The following CEP112 variants were observed in gnomAD, a reference collection of about 807,000 sequenced individuals.
CEP112 encodes centrosomal protein of 112 kDa.
CEP112 carries 127 observed loss-of-function variants against 153.0 expected under a neutral mutation model. The observed-to-expected ratio is 0.83, with a 90% confidence interval of 0.72 to 0.96. The LOEUF (loss-of-function observed/expected upper bound fraction) is 0.96, where lower values mean the gene tolerates loss of function less well. Among genes scored for constraint, CEP112 ranks in the 40% least tolerant of loss-of-function variants. CEP112 has a pLI of 0.00. For missense variants in CEP112, 1,089 were observed against 1,101.2 expected, an observed-to-expected ratio of 0.99 and a Z score of 0.16; for synonymous variants, 358 against 374.4, an observed-to-expected ratio of 0.96 and a Z score of 0.51.
chr17:66,064,144 G>A (rs903306379), intron 10 of CEP112, among the ~76,000 whole-genome samples: 4 of 152,080 alleles, frequency 2.6e-5, no homozygotes, highest in Non-Finnish European at 5.9e-5. Flanking sequence ...TTACTTGCCT[G>A]TTTCCTCTTT....
intron 4 of CEP112, among the ~76,000 whole-genome samples, chr17:66,149,453 C>A (rs972017177): frequency 1.3e-5 from 2 of 152,120 alleles, no homozygotes; most frequent in African/African-American, 4.8e-5. Flanking sequence ...AATGAAGCCA[C>A]CTGGTCCTGA....
intron 1 of CEP112, among the ~76,000 whole-genome samples, chr17:66,187,452 T>A (rs2072980909): frequency 6.6e-6 from 1 of 152,212 alleles, no homozygotes; most frequent in African/African-American, 2.4e-5. Context: ...AAGGGCTGTC[T>A]TCAGTTTGCA....
chr17:65,794,152 A>G (rs1480390552), intron 21 of CEP112, among the ~76,000 whole-genome samples: 1 of 152,216 alleles, frequency 6.6e-6, no homozygotes, highest in Non-Finnish European at 1.5e-5. Flanking sequence ...GATGGGGAGT[A>G]ATAAAAAGCT....
At position 65,855,928 on chromosome 17, in the gene CEP112, G is replaced by GT. The variant is rs531336565; in HGVS notation, c.2164-3895dup. Among the ~76,000 whole-genome samples, 56 of 152,160 alleles carry GT rather than the reference G, an allele frequency of 3.7e-4. 1 individual carries two copies. The highest frequency in any genetic ancestry group is 2.9e-5 in the Non-Finnish European group (2 of 68,000). ...ATAATACAGAAATGAGTCAGGTGTG[G>GT]TGGGGTGTGCCTGTAGTCCCAGCTA... is the stretch of plus-strand genomic sequence containing the variant. On this transcript the variant is annotated intron_variant, in intron 20 of 26. Transcript: ENST00000535342.
intron 20 of CEP112, among the ~76,000 whole-genome samples, chr17:65,884,977 A>G (rs2059224887): frequency 6.6e-6 from 1 of 151,980 alleles, no homozygotes; most frequent in African/African-American, 2.4e-5. Context: ...CGGCCTCCCA[A>G]AGTGCTGGGA....
intron 20 of CEP112, among the ~76,000 whole-genome samples, chr17:65,872,245 T>A (rs2058689526): frequency 6.6e-6 from 1 of 152,004 alleles, no homozygotes; most frequent in Non-Finnish European, 1.5e-5. Context: ...TTATAAGATT[T>A]AACATAAAAA....
intron 23 of CEP112, among the ~76,000 whole-genome samples, chr17:65,740,702 C>T (rs557913013): frequency 4.1e-4 from 62 of 152,236 alleles, no homozygotes; most frequent in Non-Finnish European, 6.8e-4. Context: ...TTAGCATGCA[C>T]GCTACTTTTA....
chr17:66,148,476 T>C (rs994904509), intron 4 of CEP112, among the ~76,000 whole-genome samples: 1 of 152,214 alleles, frequency 6.6e-6, no homozygotes, highest in African/African-American at 2.4e-5. Context: ...ATATTAAGTC[T>C]TCCAATCCAT....
At chr17:65,915,719 C>A (rs536879111) in intron 19 of CEP112, among the ~76,000 whole-genome samples, 1 of 138,536 alleles carries the variant, frequency 7.2e-6, no homozygotes, top group African/African-American at 2.7e-5. Context: ...ACCCAGGAGG[C>A]GGAGGCTGCA....
chr17:65,982,438 C>T (rs1306935632), intron 17 of CEP112, among the ~76,000 whole-genome samples: 1 of 152,180 alleles, frequency 6.6e-6, no homozygotes, highest in East Asian at 1.9e-4. Flanking sequence ...ACACAATTCT[C>T]TTAGTTATAA....
Position 65,693,576 on chromosome 17 carries a change from G to C in CEP112, c.2608-4358C>G, listed in dbSNP as rs754356751. On this transcript the variant is annotated intron_variant, in intron 23 of 26. Coordinates refer to ENST00000535342, the MANE Select transcript of CEP112 (RefSeq NM_001199165.4). ...ACCGTTGACAGGGAATTGGAAAAAA[G>C]GGACTCAGAGATACCCCAAGGCTTT... Among the ~76,000 whole-genome samples the C allele has an allele frequency of 4.6e-4, 70 of 152,166 alleles. 1 individual carries two copies. Among genetic ancestry groups the C allele is most frequent in the South Asian group, 4.1e-4 (2 of 4,820 alleles).
chr17:65,808,495 C>T (rs1446299879), intron 21 of CEP112, among the ~76,000 whole-genome samples: 8 of 152,126 alleles, frequency 5.3e-5, no homozygotes, highest in African/African-American at 1.9e-4. Context: ...TCTGTGTCCC[C>T]AACCAAATTT....
intron 6 of CEP112, among the ~76,000 whole-genome samples, chr17:66,104,917 G>A (rs1278540850): frequency 6.6e-6 from 1 of 152,170 alleles, no homozygotes; most frequent in Non-Finnish European, 1.5e-5. Context: ...GGACATTAAT[G>A]TGCAATAATG....
At chr17:65,741,938 T>C (rs1024730195) in intron 23 of CEP112, among the ~76,000 whole-genome samples, 2 of 152,002 alleles carry the variant, frequency 1.3e-5, no homozygotes, top group South Asian at 2.1e-4. Flanking sequence ...TCTTTTTTTT[T>C]TGGTCTTATA....
At chr17:65,733,845 A>G (rs2145038472) in intron 23 of CEP112, among the ~76,000 whole-genome samples, 1 of 152,352 alleles carries the variant, frequency 6.6e-6, no homozygotes, top group Admixed American at 6.5e-5. Flanking sequence ...AAGACAATTC[A>G]TCTAAATACA....
At chr17:66,025,116 A>G (rs1318963382) in intron 16 of CEP112, among the ~76,000 whole-genome samples, 3 of 152,052 alleles carry the variant, frequency 2.0e-5, no homozygotes, top group African/African-American at 7.2e-5. Flanking sequence ...TCCCTCTCTC[A>G]CCATATATAA....
chr17:65,946,365 G>A (rs1003730716), intron 18 of CEP112, among the ~76,000 whole-genome samples: 23 of 152,208 alleles, frequency 1.5e-4, no homozygotes, highest in Middle Eastern at 3.4e-3. Flanking sequence ...GGTAAAATAA[G>A]GGGCAAGATT....
intron 11 of CEP112, among the ~76,000 whole-genome samples, chr17:66,054,373 T>C (rs1276955600): frequency 6.6e-6 from 1 of 152,172 alleles, no homozygotes; most frequent in African/African-American, 2.4e-5. Context: ...CCCTAATCTA[T>C]ACAAAAACAG....
intron 4 of CEP112, among the ~76,000 whole-genome samples, chr17:66,145,217 T>A (rs1385292334): frequency 1.3e-5 from 2 of 152,214 alleles, no homozygotes; most frequent in Non-Finnish European, 2.9e-5. Flanking sequence ...GTCTGTAAAC[T>A]CTTTTGCACA....
Sources: gnomAD v4.1 joint callset for allele counts (sites outside exome capture counted in the v4.1 genomes callset) on GRCh38, gnomAD v4.1.1 for gene constraint, MANE v1.5 for transcripts, NCBI Gene and HGNC (gene_info 2026-07-23, HGNC 2026-07-21) for gene names.